The following GRM7 variants were observed in gnomAD, a reference collection of about 807,000 sequenced individuals.
The protein encoded by GRM7 is metabotropic glutamate receptor 7.
GRM7 carries 35 observed loss-of-function variants against 84.5 expected under a neutral mutation model. That is an observed-to-expected ratio of 0.41 (90% CI 0.32 to 0.55). GRM7 has a LOEUF of 0.55. Ranked by LOEUF, GRM7 falls within the 20% of genes least tolerant of loss-of-function variation. The pLI is 0.19. For missense variants in GRM7, 1,003 were observed against 1,194.6 expected (o/e 0.84, Z 2.36); for synonymous variants, 487 against 455.1 (o/e 1.07, Z -0.89).
At position 7,231,758 on chromosome 3, in the gene GRM7, C is replaced by G. The variant is rs575303918; in HGVS notation, c.737-66926C>G. On this transcript the variant is annotated intron_variant, in intron 2 of 9. Coordinates refer to ENST00000357716, the MANE Select transcript of GRM7 (RefSeq NM_000844.4). The stretch of plus-strand genomic sequence containing the variant: ...AGGCATTTAGTGTTTAGGTGATTGT[C>G]CAGTCTCTAAATTGGGAAGAGGCAG... 6.6e-5 allele frequency among the ~76,000 whole-genome samples: 10 copies of G among 152,260 alleles called. No individual in the cohort carries two copies. In the South Asian group the frequency reaches 2.1e-3, roughly 32 times the overall value.
intron 1 of GRM7, among the ~76,000 whole-genome samples, chr3:6,953,900 T>A (rs79220220): frequency 0.054 from 8,154 of 152,084 alleles, 277 homozygotes; most frequent in African/African-American, 0.081. Context: ...TGTGAGGTGC[T>A]AAACATGGTC....
intron 1 of GRM7, among the ~76,000 whole-genome samples, chr3:7,144,543 C>T (rs1179443011): frequency 1.3e-5 from 2 of 152,068 alleles, no homozygotes; most frequent in Non-Finnish European, 2.9e-5. Context: ...TGTGGGGAAT[C>T]GATAACTTTA....
chr3:7,045,934 C>G (rs977668052), intron 1 of GRM7, among the ~76,000 whole-genome samples: 3 of 152,008 alleles, frequency 2.0e-5, no homozygotes, highest in African/African-American at 7.2e-5. Context: ...GTTCTACATG[C>G]CATTTTTTTT....
At chr3:7,669,204 T>C (rs1294952965) in intron 8 of GRM7, among the ~76,000 whole-genome samples, 1 of 152,128 alleles carries the variant, frequency 6.6e-6, no homozygotes, top group Non-Finnish European at 1.5e-5. Flanking sequence ...TTGTGATTAG[T>C]GAAACAAAGG....
intron 1 of GRM7, among the ~76,000 whole-genome samples, chr3:6,949,246 G>T (rs913103402): frequency 1.6e-4 from 25 of 152,280 alleles, no homozygotes; most frequent in African/African-American, 5.5e-4. Context: ...TTTAGAGCAG[G>T]CCTGGTGGTG....
At chr3:7,420,336 C>G (rs907857922) in intron 5 of GRM7, among the ~76,000 whole-genome samples, 1 of 152,060 alleles carries the variant, frequency 6.6e-6, no homozygotes, top group South Asian at 2.1e-4. Context: ...CTTTAATTGT[C>G]ACAAAGATGT....
intron 5 of GRM7, among the ~76,000 whole-genome samples, chr3:7,437,652 A>G (rs1697113318): frequency 6.6e-6 from 1 of 151,536 alleles, no homozygotes; most frequent in Admixed American, 6.6e-5. Context: ...GTTCTTTTTT[A>G]TAGCTGATTC....
intron 2 of GRM7, among the ~76,000 whole-genome samples, chr3:7,177,140 G>A (rs1341588901): frequency 2.0e-5 from 3 of 151,686 alleles, no homozygotes; most frequent in African/African-American, 2.4e-5. Flanking sequence ...TTAAACCAAA[G>A]TATTGAGGAA....
At chr3:7,161,780 C>T (rs552180245) in intron 2 of GRM7, among the ~76,000 whole-genome samples, 1 of 152,218 alleles carries the variant, frequency 6.6e-6, no homozygotes, top group South Asian at 2.1e-4. Flanking sequence ...ACAAAATAGA[C>T]CTTGCCTGTG....
chr3:7,640,124 C>T (rs1312954050), intron 8 of GRM7, among the ~76,000 whole-genome samples: 2 of 152,136 alleles, frequency 1.3e-5, no homozygotes, highest in Admixed American at 6.5e-5. Flanking sequence ...AATTTATCTT[C>T]CTATCCGCCA....
intron 7 of GRM7, among the ~76,000 whole-genome samples, chr3:7,497,430 A>G (rs1416357407): frequency 2.0e-5 from 3 of 152,128 alleles, no homozygotes; most frequent in Non-Finnish European, 2.9e-5. Context: ...ATCAAAAGCA[A>G]CTGGTTTTGA....
intron 1 of GRM7, among the ~76,000 whole-genome samples, chr3:7,032,706 C>T (rs1331096999): frequency 6.6e-6 from 1 of 151,976 alleles, no homozygotes; most frequent in African/African-American, 2.4e-5. Flanking sequence ...TGATAATACA[C>T]AAATAAGAAA....
chr3:7,554,170 G>A (rs1693639110), intron 7 of GRM7, among the ~76,000 whole-genome samples: 2 of 152,196 alleles, frequency 1.3e-5, no homozygotes, highest in African/African-American at 4.8e-5. Context: ...CTATCATGGA[G>A]AAGAATATAT....
chr3:7,356,062 T>C (rs1364133720), intron 4 of GRM7, among the ~76,000 whole-genome samples: 1 of 152,076 alleles, frequency 6.6e-6, no homozygotes, highest in African/African-American at 2.4e-5. Flanking sequence ...GTGCACCTGG[T>C]TGTGCACTTT....
rs1022991376 is a variant in GRM7 at position 7,741,321 on chromosome 3, C to G, written c.*915C>G. On this transcript the variant is annotated 3_prime_UTR_variant, in exon 10 of 10. Transcript: ENST00000357716. ...CATGTCTTGAGGTTTTGTTCATGCC[C>G]CCTTTGACTGATCAGTGTGATAAGG... 1.6e-4 allele frequency: 24 copies of G among 152,226 alleles called. No individual in the cohort carries two copies. Among genetic ancestry groups the G allele is most frequent in the African/African-American group, 5.8e-4 (24 of 41,316 alleles). The allele number at this position is 152,226 out of a possible 1,614,324, so 9.4% of individuals were successfully genotyped here.
intron 2 of GRM7, among the ~76,000 whole-genome samples, chr3:7,270,997 C>A (rs1438627745): frequency 6.6e-6 from 1 of 152,112 alleles, no homozygotes; most frequent in Non-Finnish European, 1.5e-5. Context: ...GCAGCCAGGT[C>A]TCTAGACTTG....
At chr3:7,736,582 G>T (rs990409400) in intron 9 of GRM7, among the ~76,000 whole-genome samples, 1 of 152,132 alleles carries the variant, frequency 6.6e-6, no homozygotes, top group Admixed American at 6.6e-5. Flanking sequence ...AATCCATATA[G>T]CTATAGTTTA....
chr3:7,603,544 G>C (rs1276437606), intron 8 of GRM7, among the ~76,000 whole-genome samples: 1 of 152,110 alleles, frequency 6.6e-6, no homozygotes, highest in Non-Finnish European at 1.5e-5. Flanking sequence ...TAAATTTCCA[G>C]AACAGCAGCT....
chr3:7,688,979 T>TACATGAATATTTATAAATTTTAAAA (rs1700691765), intron 9 of GRM7, among the ~76,000 whole-genome samples: 1 of 152,220 alleles, frequency 6.6e-6, no homozygotes, highest in Admixed American at 6.5e-5. Context: ...CTGCATCCTT[T>TACATGAATATTTATAAATTTTAAAA]ACATGAATAT....
Sources: allele counts gnomAD v4.1 joint callset (sites outside exome capture counted in the v4.1 genomes callset), GRCh38; gene constraint gnomAD v4.1.1; transcripts MANE v1.5; gene names NCBI Gene and HGNC (gene_info 2026-07-23, HGNC 2026-07-21).